PLVAP: variants seen among roughly 807,000 people sequenced by gnomAD.
PLVAP encodes the protein plasmalemma vesicle-associated protein.
Under a neutral mutation model 43.1 loss-of-function variants are expected in PLVAP, and 34 were observed. That is an observed-to-expected ratio of 0.79 (90% CI 0.60 to 1.05). The LOEUF is 1.05. Among genes scored for constraint, PLVAP ranks in the 50% least tolerant of loss-of-function variants. The pLI is 0.00. For synonymous variants in PLVAP, 241 were observed against 237.3 expected (o/e 1.02, Z -0.14); for missense variants, 574 against 593.4 (o/e 0.97, Z 0.34).
chr19:17,360,700 A>G (rs1240530464), intron 4 of PLVAP, 72 bp downstream of exon 4: 7 of 1,579,178 alleles, frequency 4.4e-6, no homozygotes, highest in Non-Finnish European at 3.5e-6. Flanking sequence ...GGGAGTGGGA[A>G]AGTGGGGCTG....
At chr19:17,358,960 T>A (rs1012451138) in intron 5 of PLVAP, among the ~76,000 whole-genome samples, 1 of 145,942 alleles carries the variant, frequency 6.9e-6, no homozygotes, top group African/African-American at 2.5e-5. Flanking sequence ...CCACCACACC[T>A]GGGTAATTTT....
Position 17,371,783 on chromosome 19 carries a change from A to G in PLVAP, c.369+5137T>C, listed in dbSNP as rs78152030. On this transcript the variant is annotated intron_variant, in intron 1 of 5. Coordinates refer to ENST00000252590, the MANE Select transcript of PLVAP (RefSeq NM_031310.3). ...CAGGTGTGAACCACCACGCCTGGCCAGCAAAGCTGTTTTTAAAGAAAGTGT... is the reference window on the plus strand; with the variant it reads ...CAGGTGTGAACCACCACGCCTGGCCGGCAAAGCTGTTTTTAAAGAAAGTGT... 6.1e-3 allele frequency among the ~76,000 whole-genome samples: 926 copies of G among 152,340 alleles called. 9 individuals are homozygous for G. The highest frequency in any genetic ancestry group is 0.019 in the African/African-American group (787 of 41,582).
rs2074488227 is a variant in PLVAP at position 17,352,117 on chromosome 19, T to C, written c.*245A>G. 1 of 562,290 alleles carries C rather than the reference T, an allele frequency of 1.8e-6. No individual in the cohort carries two copies. Among genetic ancestry groups the C allele is most frequent in the Admixed American group, 2.9e-5 (1 of 34,334 alleles). 34.8% of individuals were successfully genotyped at this position (562,290 alleles called of 1,614,324 possible). A position where few individuals can be genotyped will look rare whatever the true frequency, so the allele number is the denominator to read the frequency against. On this transcript the variant is annotated 3_prime_UTR_variant, in exon 6 of 6. Coordinates refer to ENST00000252590, the MANE Select transcript of PLVAP (RefSeq NM_031310.3). ...GTGACGCCATCACCACGGTGATATG[T>C]GACGTCAGCGCCGTTGCTTGCGTGA...
chr19:17,353,011 C>T (rs774086444), intron 5 of PLVAP, among the ~76,000 whole-genome samples: 4 of 152,238 alleles, frequency 2.6e-5, no homozygotes, highest in African/African-American at 4.8e-5. Flanking sequence ...TTTGCACGAT[C>T]GGAGTTGTCT....
Position 17,365,593 on chromosome 19 carries a change from C to T in PLVAP, c.872G>A (p.Arg291Gln), listed in dbSNP as rs148762093. 123 of 1,612,734 alleles carry T rather than the reference C, an allele frequency of 7.6e-5. No individual in the cohort carries two copies. Among genetic ancestry groups the T allele is most frequent in the Middle Eastern group, 3.3e-4 (2 of 6,084 alleles). ...SKVEELARSLRADIERVAREN... is the reference protein window; with the variant it reads ...SKVEELARSLQADIERVAREN... ...GCGGGCCACGCGTTCGATATCCGCC[C>T]GGAGGCTCCGGGCCAGCTCCTCCAC... The change falls in exon 3 of 6, where the codon CGG (arginine) becomes CAG (glutamine). Residue 291 changes from arginine (R) to glutamine (Q), a missense_variant. Transcript: ENST00000252590.
chr19:17,352,955 T>C (rs1156849030), intron 5 of PLVAP, among the ~76,000 whole-genome samples: 1 of 151,950 alleles, frequency 6.6e-6, no homozygotes, highest in African/African-American at 2.4e-5. Context: ...GACCCAACAA[T>C]TCCAAGAGCC....
chr19:17,371,023 T>C (rs967140418), intron 1 of PLVAP, among the ~76,000 whole-genome samples: 5 of 151,020 alleles, frequency 3.3e-5, no homozygotes, highest in African/African-American at 1.2e-4. Context: ...GCCACTGCAC[T>C]CCAGCCTGGG....
chr19:17,366,174 T>G lies in PLVAP; in HGVS notation c.391A>C (p.Arg131=), dbSNP rs2074549350. ...CTCAAGATGATGGCAGCCATGTACC[T>G]CTGATTGTTCGTGTAGATGACCTGC... The part of the protein sequence containing the change: ...GDRVIYTNNQ[R]YMAAIILSEK... Residue 131 remains arginine (R), a synonymous_variant, in exon 2 of 6, where the codon AGG becomes CGG. Transcript: ENST00000252590. 3.7e-6 allele frequency: 6 copies of G among 1,614,110 alleles called. No homozygotes were observed. Among genetic ancestry groups the G allele is most frequent in the African/African-American group, 1.3e-5 (1 of 75,040 alleles).
chr19:17,372,081 TAAAA>T (rs368346030), intron 1 of PLVAP, among the ~76,000 whole-genome samples: 2 of 96,990 alleles, frequency 2.1e-5, no homozygotes, highest in Admixed American at 2.3e-4. Flanking sequence ...ACCATGTCTC[TAAAA>T]AAAAAAAAAA....
intron 1 of PLVAP, among the ~76,000 whole-genome samples, chr19:17,368,656 G>A (rs1233458992): frequency 6.6e-6 from 1 of 152,064 alleles, no homozygotes; most frequent in Non-Finnish European, 1.5e-5. Flanking sequence ...GACACAGGAA[G>A]AAGATGCCAC....
intron 1 of PLVAP, among the ~76,000 whole-genome samples, chr19:17,369,949 G>A (rs1002508863): frequency 7.1e-5 from 10 of 141,798 alleles, no homozygotes; most frequent in Non-Finnish European, 7.5e-5. Flanking sequence ...GTTGCAGTGA[G>A]CCACGATCAC....
At chr19:17,353,122 T>C (rs906035530) in intron 5 of PLVAP, among the ~76,000 whole-genome samples, 1 of 152,188 alleles carries the variant, frequency 6.6e-6, no homozygotes, top group African/African-American at 2.4e-5. Flanking sequence ...AGGAGGGGGC[T>C]GTGGCTAAGT....
Position 17,376,915 on chromosome 19 carries a change from C to A in PLVAP, c.369+5G>T. 1 of 1,610,464 alleles carries A rather than the reference C, an allele frequency of 6.2e-7. No individual in the cohort carries two copies. Among genetic ancestry groups the A allele is most frequent in the Non-Finnish European group, 8.5e-7 (1 of 1,178,452 alleles). Reference sequence around the variant, plus strand: ...CCAGGGCGAGTGTCCTGCCCACAGCCTTACCCGGTCACCCTGGCACTGGCG... The same window carrying A: ...CCAGGGCGAGTGTCCTGCCCACAGCATTACCCGGTCACCCTGGCACTGGCG... On this transcript the variant is annotated splice_donor_5th_base_variant and intron_variant, in intron 1 of 5. Coordinates refer to ENST00000252590, the MANE Select transcript of PLVAP (RefSeq NM_031310.3).
Position 17,377,301 on chromosome 19 carries a change from GCCGTCC to G in PLVAP, c.-19_-14del. The stretch of plus-strand genomic sequence containing the variant: ...TGGCCAGACCCATTTGCTCGATCCC[GCCGTCC>G]GGTGCACCGTCCCTGCTCACCACCA... On this transcript the variant is annotated 5_prime_UTR_variant, in exon 1 of 6. Transcript: ENST00000252590. The G allele has an allele frequency of 6.3e-7, 1 of 1,593,236 alleles. No homozygotes were observed. Among genetic ancestry groups the G allele is most frequent in the Non-Finnish European group, 8.6e-7 (1 of 1,166,388 alleles).
intron 5 of PLVAP, among the ~76,000 whole-genome samples, chr19:17,359,277 ATTT>A (rs753495089): frequency 8.5e-6 from 1 of 118,032 alleles, no homozygotes. Context: ...TAATTTTTGT[ATTT>A]TTTTTTTTTT....
At position 17,377,297 on chromosome 19, in the gene PLVAP, T is replaced by TCCCGCC; in HGVS notation, c.-15_-10dup. On this transcript the variant is annotated 5_prime_UTR_variant, in exon 1 of 6. Coordinates refer to ENST00000252590, the MANE Select transcript of PLVAP (RefSeq NM_031310.3). ...TCCATGGCCAGACCCATTTGCTCGATCCCGCCGTCCGGTGCACCGTCCCTG... is the reference window on the plus strand; with the variant it reads ...TCCATGGCCAGACCCATTTGCTCGATCCCGCCCCCGCCGTCCGGTGCACCGTCCCTG... The TCCCGCC allele has an allele frequency of 6.2e-7, 1 of 1,600,708 alleles. No individual in the cohort carries two copies. The highest frequency in any genetic ancestry group is 8.5e-7 in the Non-Finnish European group (1 of 1,172,116).
At chr19:17,357,860 C>T (rs1169978887) in intron 5 of PLVAP, among the ~76,000 whole-genome samples, 1 of 152,246 alleles carries the variant, frequency 6.6e-6, no homozygotes, top group East Asian at 1.9e-4. Flanking sequence ...CTTAAGTACA[C>T]ATTGTTTTCT....
intron 5 of PLVAP, among the ~76,000 whole-genome samples, chr19:17,358,225 G>C (rs1560091): frequency 0.38 from 57,326 of 149,332 alleles, 13,602 homozygotes; most frequent in African/African-American, 0.68. Context: ...GAGACAGCTT[G>C]GCGAGGGAGT....
chr19:17,363,316 GCC>G (rs989694376), intron 3 of PLVAP, among the ~76,000 whole-genome samples: 1 of 151,970 alleles, frequency 6.6e-6, no homozygotes, highest in African/African-American at 2.4e-5. Context: ...ACAGGTGTCT[GCC>G]ACCAAGCCTG....
Sources: gnomAD v4.1 joint callset for allele counts (sites outside exome capture counted in the v4.1 genomes callset) on GRCh38, gnomAD v4.1.1 for gene constraint, MANE v1.5 for transcripts, NCBI Gene and HGNC (gene_info 2026-07-23, HGNC 2026-07-21) for gene names.